Variants in EFTUD2 observed in about 807,000 individuals in gnomAD.
EFTUD2 encodes the protein elongation factor Tu GTP binding domain containing 2, also known as 116 kDa U5 small nuclear ribonucleoprotein component.
In EFTUD2, 9 loss-of-function variants were observed where a neutral mutation model predicts 114.3. That is an observed-to-expected ratio of 0.08 (90% confidence interval 0.05 to 0.14). The LOEUF (loss-of-function observed/expected upper bound fraction) is 0.14, where lower values mean the gene tolerates loss of function less well. Among genes scored for constraint, EFTUD2 ranks in the 10% least tolerant of loss-of-function variants. The probability of loss-of-function intolerance (pLI) is 1.00; values close to 1 mark genes in which losing one functional copy is unlikely to be tolerated. For missense variants in EFTUD2, 765 were observed against 1,241.2 expected (o/e 0.62, Z 5.76); for synonymous variants, 449 against 462.3 (o/e 0.97, Z 0.37).
intron 11 of EFTUD2, among the ~76,000 whole-genome samples, chr17:44,871,219 T>C (rs1324195843): frequency 3.3e-5 from 5 of 151,970 alleles, no homozygotes; most frequent in Non-Finnish European, 5.9e-5. Context: ...GAGATGGGGT[T>C]TCGCCATGTT....
At chr17:44,855,156 A>G in intron 20 of EFTUD2, 152 bp from the exon 21 acceptor site, 1 of 703,770 alleles carries the variant, frequency 1.4e-6, no homozygotes, top group Non-Finnish European at 2.5e-6. Flanking sequence ...TAATCCCAGC[A>G]CTTTGAGAGG....
Position 44,881,699 on chromosome 17 carries a change from G to T in EFTUD2, c.516C>A (p.Phe172Leu), listed in dbSNP as rs764994704. ...DQDLCYTDIL[F>L]TEQERGVGIK... Reference sequence around the variant, plus strand: ...AAGGCATGCTTACCTCTTGCTCTGTGAAGAGGATGTCAGTATAGCACAGCT... The same window carrying T: ...AAGGCATGCTTACCTCTTGCTCTGTTAAGAGGATGTCAGTATAGCACAGCT... Residue 172 changes from phenylalanine (F) to leucine (L), a missense_variant, in exon 7 of 28, where the codon TTC becomes TTA. Transcript: ENST00000426333. 3.7e-6 allele frequency: 6 copies of T among 1,614,188 alleles called. No individual in the cohort carries two copies. The South Asian group carries it at 5.5e-5, about 15-fold the overall frequency.
intron 10 of EFTUD2, among the ~76,000 whole-genome samples, chr17:44,874,035 C>CTTT (rs35563732): frequency 1.1e-4 from 13 of 115,466 alleles, no homozygotes; most frequent in African/African-American, 2.0e-4. Context: ...TGCCCGGCCT[C>CTTT]TTTTTTTTTT....
Position 44,852,451 on chromosome 17 carries a change from G to A in EFTUD2, c.2673C>T (p.Thr891=). ...FGFETDLRTH[T]QGQAFSLSVF... ...CAGACAGAGAAAAGGCTTGTCCCTG[G>A]GTGTGAGTCCGGAGATCAGTCTCAA... is the stretch of plus-strand genomic sequence containing the variant. Residue 891 remains threonine, a synonymous_variant, in exon 26 of 28, where the codon ACC becomes ACT. Coordinates refer to ENST00000426333, the MANE Select transcript of EFTUD2 (RefSeq NM_004247.4). 1 of 1,614,078 alleles carries A rather than the reference G, an allele frequency of 6.2e-7. No homozygotes were observed. The highest frequency in any genetic ancestry group is 8.5e-7 in the Non-Finnish European group (1 of 1,180,030).
At position 44,850,454 on chromosome 17, in the gene EFTUD2, T is replaced by C; in HGVS notation, c.*820A>G. ...CCTAACTCAATCCCTGGTACATTCC[T>C]AATAAAGCAGTTTTGAGGAAAATCA... On this transcript the variant is annotated 3_prime_UTR_variant, in exon 28 of 28. Coordinates refer to ENST00000426333, the MANE Select transcript of EFTUD2 (RefSeq NM_004247.4). 1 of 1,312,080 alleles carries C rather than the reference T, an allele frequency of 7.6e-7. No individual in the cohort carries two copies. The highest frequency in any genetic ancestry group is 1.1e-6 in the Non-Finnish European group (1 of 915,984). 81.3% of individuals were successfully genotyped at this position (1,312,080 alleles called of 1,614,324 possible).
chr17:44,854,983 A>G lies in EFTUD2; in HGVS notation c.2067T>C (p.Ala689=), dbSNP rs376668474. 1 of 1,614,186 alleles carries G rather than the reference A, an allele frequency of 6.2e-7. No individual in the cohort carries two copies. Among genetic ancestry groups the G allele is most frequent in the Non-Finnish European group, 8.5e-7 (1 of 1,180,010 alleles). Residue 689 remains alanine, a synonymous_variant, in exon 21 of 28, where the codon GCT becomes GCC. Transcript: ENST00000426333. This position sits in a 1 kb window ranked among gnomAD's most constrained non-coding sequence, Gnocchi z 4.3. ...CTGCCAGGCCCTTCTCAAGAGGCTC[A>G]GCAATCATGGTGATCTTGTTCCTGG... ...PNKKNKITMI[A]EPLEKGLAED...
chr17:44,859,738 G>A (rs933142116), intron 18 of EFTUD2, 167 bp downstream of exon 18: 5 of 1,078,616 alleles, frequency 4.6e-6, no homozygotes, highest in African/African-American at 1.6e-5. Flanking sequence ...ACACACACAC[G>A]TGTCTTGTCC....
chr17:44,863,502 C>T (rs1043201589), intron 15 of EFTUD2, 153 bp downstream of exon 15: 1 of 1,087,778 alleles, frequency 9.2e-7, no homozygotes, highest in Admixed American at 2.5e-5. Context: ...CTAGCGGTGG[C>T]AACATCAGGC....
At chr17:44,862,611 A>C in intron 16 of EFTUD2, 102 bp downstream of exon 16, 2 of 1,145,922 alleles carry the variant, frequency 1.7e-6, no homozygotes, top group Admixed American at 2.5e-5. Flanking sequence ...TCTTGCACAG[A>C]GCCTTGCAAC....
At chr17:44,853,927 A>G in intron 23 of EFTUD2, 1 of 1,362,680 alleles carries the variant, frequency 7.3e-7, no homozygotes, top group Non-Finnish European at 9.4e-7. Flanking sequence ...TGTAGAATAA[A>G]TTCCAGAATT....
chr17:44,858,623 G>C (rs79224390), intron 19 of EFTUD2, among the ~76,000 whole-genome samples: 1,871 of 152,148 alleles, frequency 0.012, 39 homozygotes, highest in African/African-American at 0.042. Context: ...CACTGGGCTG[G>C]TTTGTAGAGA....
chr17:44,854,380 T>C lies in EFTUD2; in HGVS notation c.2260-24A>G. 4 of 1,609,168 alleles carry C rather than the reference T, an allele frequency of 2.5e-6. No individual in the cohort carries two copies. Among genetic ancestry groups the C allele is most frequent in the Non-Finnish European group, 2.5e-6 (3 of 1,177,566 alleles). On this transcript the variant is annotated intron_variant, in intron 22 of 27. Transcript: ENST00000426333. The surrounding 1 kb of genome is among the most constrained non-coding windows in gnomAD (Gnocchi z 4.3). ...ACCTATAGAGAAACATGAGGCCTCC[T>C]TAGCAGTCGCCCTGGCAACGGCTGA... is the stretch of plus-strand genomic sequence containing the variant.
At chr17:44,852,691 A>G in intron 25 of EFTUD2, 129 bp from the exon 26 acceptor site, 1 of 1,184,298 alleles carries the variant, frequency 8.4e-7, no homozygotes, top group South Asian at 1.6e-5. Flanking sequence ...GTAACCAAGA[A>G]TGTTCTACAA....
intron 26 of EFTUD2, among the ~76,000 whole-genome samples, chr17:44,852,053 G>C (rs975723233): frequency 9.2e-5 from 14 of 152,082 alleles, no homozygotes; most frequent in African/African-American, 2.7e-4. Flanking sequence ...AAGTAGCTGG[G>C]ATTACAGGCA....
chr17:44,889,511 C>T (rs2051240039), intron 2 of EFTUD2, among the ~76,000 whole-genome samples: 1 of 151,922 alleles, frequency 6.6e-6, no homozygotes, highest in African/African-American at 2.4e-5. Flanking sequence ...GCAGAATTGC[C>T]AAAGGTCTTG....
chr17:44,851,448 A>G (rs1312449602), intron 27 of EFTUD2, 79 bp from the exon 28 acceptor site: 4 of 1,227,464 alleles, frequency 3.3e-6, no homozygotes, highest in Non-Finnish European at 4.8e-6. Flanking sequence ...ACCTGTGTTC[A>G]GTGGGGAGGC....
intron 2 of EFTUD2, 76 bp from the exon 3 acceptor site, chr17:44,886,826 G>T: frequency 6.5e-7 from 1 of 1,529,876 alleles, no homozygotes; most frequent in South Asian, 1.2e-5. Context: ...CTCCGTGAGT[G>T]ACAGCACTGA....
chr17:44,857,710 A>T (rs1316790714), intron 19 of EFTUD2: 1 of 156,784 alleles, frequency 6.4e-6, no homozygotes, highest in Non-Finnish European at 1.4e-5. Flanking sequence ...ATACGACTCA[A>T]CTAGGACAAG....
At chr17:44,863,834 A>G in intron 14 of EFTUD2, 52 bp from the exon 15 acceptor site, 2 of 1,602,500 alleles carry the variant, frequency 1.2e-6, no homozygotes, top group Non-Finnish European at 1.7e-6. Flanking sequence ...AGGGAGCACG[A>G]GCAGGAGTTA....
Sources: allele counts gnomAD v4.1 joint callset (sites outside exome capture counted in the v4.1 genomes callset), GRCh38; gene constraint gnomAD v4.1.1; non-coding constraint Gnocchi (gnomAD v3.1); transcripts MANE v1.5; gene names NCBI Gene and HGNC (gene_info 2026-07-23, HGNC 2026-07-21).